Variants in DLG1 observed in about 807,000 individuals in gnomAD.
DLG1 encodes the protein discs large MAGUK scaffold protein 1.
Under a neutral mutation model 123.4 loss-of-function variants are expected in DLG1, and 42 were observed. That is an observed-to-expected ratio of 0.34 (90% CI 0.27 to 0.44). DLG1 has a LOEUF of 0.44. Ranked by LOEUF, DLG1 falls within the 20% of genes least tolerant of loss-of-function variation. DLG1 has a pLI of 1.00. For synonymous variants in DLG1, 317 were observed against 356.2 expected, an observed-to-expected ratio of 0.89 and a Z score of 1.24; for missense variants, 942 against 1,082.6, an observed-to-expected ratio of 0.87 and a Z score of 1.82.
At chr3:197,188,267 C>T (rs896570949) in intron 5 of DLG1, among the ~76,000 whole-genome samples, 17 of 152,198 alleles carry the variant, frequency 1.1e-4, no homozygotes, top group African/African-American at 4.1e-4. Flanking sequence ...GCCTCCTCCT[C>T]TGACTTGGCA....
chr3:197,124,152 G>T (rs1283830600), intron 11 of DLG1, among the ~76,000 whole-genome samples: 1 of 152,190 alleles, frequency 6.6e-6, no homozygotes, highest in Non-Finnish European at 1.5e-5. Context: ...GATGGCCTGA[G>T]CCCAGGAATT....
intron 4 of DLG1, among the ~76,000 whole-genome samples, chr3:197,237,132 G>A (rs147949877): frequency 1.2e-3 from 189 of 152,262 alleles, no homozygotes; most frequent in Non-Finnish European, 2.4e-3. Flanking sequence ...TAAAGACAAT[G>A]AGGGCTTCCA....
chr3:197,273,399 G>A (rs557229821), intron 4 of DLG1, among the ~76,000 whole-genome samples: 41 of 151,816 alleles, frequency 2.7e-4, no homozygotes, highest in African/African-American at 9.4e-4. Flanking sequence ...CACAACAACC[G>A]GCTAATTTTT....
chr3:197,067,759 G>A (rs768459380), intron 19 of DLG1, among the ~76,000 whole-genome samples: 4 of 151,982 alleles, frequency 2.6e-5, no homozygotes, highest in Admixed American at 6.6e-5. Flanking sequence ...GTTTCTCCAC[G>A]TTGGTCAGGC....
chr3:197,247,373 G>C (rs1336366683), intron 4 of DLG1, among the ~76,000 whole-genome samples: 1 of 152,134 alleles, frequency 6.6e-6, no homozygotes, highest in Non-Finnish European at 1.5e-5. Context: ...GGATTTGGCA[G>C]ATACAGGTGG....
intron 13 of DLG1, among the ~76,000 whole-genome samples, chr3:197,107,368 C>A (rs1452965842): frequency 1.3e-5 from 2 of 152,102 alleles, no homozygotes; most frequent in Non-Finnish European, 2.9e-5. Flanking sequence ...CATGGTGAAA[C>A]CCTGTCTCTA....
rs967833315 is a variant in DLG1, at chr3:197,064,832, G to T, written c.2373+444C>A. 2.0e-5 allele frequency among the ~76,000 whole-genome samples: 3 copies of T among 151,422 alleles called. No homozygotes were observed. The South Asian group carries it at 6.3e-4, about 32-fold the overall frequency. ...TTTTTTTTCTTTTTTTAAGAGCCAG[G>T]GTCTTGTTCTGTTGCCCAGGCTGGA... On this transcript the variant is annotated intron_variant, in intron 22 of 24. Transcript: ENST00000667157.
chr3:197,274,952 A>G (rs1246883564), intron 4 of DLG1, among the ~76,000 whole-genome samples: 1 of 152,218 alleles, frequency 6.6e-6, no homozygotes, highest in Non-Finnish European at 1.5e-5. Flanking sequence ...TGGGAGGCCG[A>G]GGCAGGCAGA....
intron 14 of DLG1, among the ~76,000 whole-genome samples, chr3:197,097,747 A>C (rs1560640773): frequency 6.6e-6 from 1 of 151,492 alleles, no homozygotes; most frequent in Non-Finnish European, 1.5e-5. Context: ...CGCCCAGCTA[A>C]TTTTTGTATT....
At chr3:197,251,575 G>A (rs569234769) in intron 4 of DLG1, among the ~76,000 whole-genome samples, 184 of 152,256 alleles carry the variant, frequency 1.2e-3, no homozygotes, top group Non-Finnish European at 2.2e-3. Flanking sequence ...GGGAACACTG[G>A]ATATCCATAT....
chr3:197,113,456 T>G (rs1185687466), intron 13 of DLG1, among the ~76,000 whole-genome samples: 1 of 152,222 alleles, frequency 6.6e-6, no homozygotes, highest in Non-Finnish European at 1.5e-5. Flanking sequence ...TAGGTATGTC[T>G]TCTTGATGAA....
intron 4 of DLG1, among the ~76,000 whole-genome samples, chr3:197,231,526 C>A (rs966493554): frequency 6.6e-6 from 1 of 151,930 alleles, no homozygotes; most frequent in Non-Finnish European, 1.5e-5. Flanking sequence ...CAGAGCGAAA[C>A]CCTGTCTCTA....
At chr3:197,062,419 G>T (rs1736491988) in intron 22 of DLG1, among the ~76,000 whole-genome samples, 1 of 152,060 alleles carries the variant, frequency 6.6e-6, no homozygotes, top group Non-Finnish European at 1.5e-5. Flanking sequence ...TCTAAGTTGA[G>T]GGCCATCTGT....
Position 197,297,170 on chromosome 3 carries a change from C to A in DLG1, c.19+16G>T. 2.5e-6 allele frequency: 4 copies of A among 1,613,854 alleles called. No homozygotes were observed. Among genetic ancestry groups the A allele is most frequent in the South Asian group, 1.1e-5 (1 of 91,078 alleles). ...GCAAGTGACATCGACAACAGAGTTACGGAATAAACTCTCACCTTGCTTCCG... is the reference window on the plus strand; with the variant it reads ...GCAAGTGACATCGACAACAGAGTTAAGGAATAAACTCTCACCTTGCTTCCG... On this transcript the variant is annotated intron_variant, in intron 2 of 24. Transcript: ENST00000667157.
rs921454953 is a variant in DLG1, at chr3:197,138,168, A to T, written c.883+54T>A. 1.2e-5 allele frequency: 13 copies of T among 1,116,560 alleles called. 1 individual carries two copies. The African/African-American group carries it at 1.9e-4, about 16-fold the overall frequency. 69.2% of individuals were successfully genotyped at this position (1,116,560 alleles called of 1,614,324 possible). ...TATGTCACAGATAAAGTTCATAGGT[A>T]TATTTAACTCAGAGATTTCTTAAAG... On this transcript the variant is annotated intron_variant, in intron 9 of 24. Transcript: ENST00000667157.
intron 4 of DLG1, among the ~76,000 whole-genome samples, chr3:197,271,928 G>C (rs543584036): frequency 7.9e-5 from 12 of 152,284 alleles, no homozygotes; most frequent in African/African-American, 2.6e-4. Context: ...GTACCCAGAG[G>C]ATACGAGCCA....
intron 17 of DLG1, 70 bp from the exon 18 acceptor site, chr3:197,076,755 A>T: frequency 8.5e-7 from 1 of 1,169,604 alleles, no homozygotes; most frequent in Non-Finnish European, 1.3e-6. Context: ...CCAGCCTAGC[A>T]GCTCTGTGGA....
intron 4 of DLG1, among the ~76,000 whole-genome samples, chr3:197,282,246 C>G (rs1388028170): frequency 6.6e-6 from 1 of 152,162 alleles, no homozygotes; most frequent in African/African-American, 2.4e-5. Flanking sequence ...AGTTTGAATG[C>G]CATCCTTCAA....
rs554641625 is a variant in DLG1 at position 197,205,323 on chromosome 3, A to G, written c.319-10734T>C. Among the ~76,000 whole-genome samples the G allele has an allele frequency of 1.2e-4, 18 of 150,042 alleles. No homozygotes were observed. In the East Asian group the frequency reaches 3.3e-3, roughly 27 times the overall value. On this transcript the variant is annotated intron_variant, in intron 4 of 24. Transcript: ENST00000667157. ...TAATCATGAGAAAGGACAACATTCT[A>G]AAAAAAAATTCCTCAGAAATGACAA...
Sources: gnomAD v4.1 joint callset for allele counts (sites outside exome capture counted in the v4.1 genomes callset) on GRCh38, gnomAD v4.1.1 for gene constraint, MANE v1.5 for transcripts, NCBI Gene and HGNC (gene_info 2026-07-23, HGNC 2026-07-21) for gene names.